The following METTL22 variants were observed in gnomAD, a reference collection of about 807,000 sequenced individuals.
METTL22 encodes the protein methyltransferase 22, Kin17 lysine.
METTL22 carries 51 observed loss-of-function variants against 48.4 expected under a neutral mutation model. The ratio of observed to expected loss-of-function variants is 1.05; its 90% CI spans 0.84 to 1.33. METTL22 has a LOEUF of 1.33. Ranked by LOEUF, METTL22 falls within the 40% of genes most tolerant of loss-of-function variation. The pLI, the probability that METTL22 is intolerant of heterozygous loss-of-function variation, is 0.00. For missense variants in METTL22, 678 were observed against 526.9 expected (o/e 1.29, Z -2.81); for synonymous variants, 255 against 214.1 (o/e 1.19, Z -1.67).
At chr16:8,651,386 C>CAAA (rs768911703), downstream of METTL22, among the ~76,000 whole-genome samples, 12 of 49,070 alleles carry the variant, frequency 2.4e-4, no homozygotes, top group African/African-American at 4.9e-4. Flanking sequence ...GACTCTGTCT[C>CAAA]AAAAAAAAAA....
chr16:8,635,648 G>C (rs560893324), intron 5 of METTL22, among the ~76,000 whole-genome samples: 1 of 152,340 alleles, frequency 6.6e-6, no homozygotes, highest in South Asian at 2.1e-4. Context: ...AGAAGCCTTT[G>C]AAAGCAAGTT....
the METTL22 span, chr16:8,666,645 G>A: frequency 6.6e-6 from 1 of 152,194 alleles, no homozygotes; most frequent in East Asian, 1.9e-4. Context: ...GCTCAGAAGT[G>A]AAGTCATCTA....
chr16:8,660,098 A>G, the METTL22 span, among the ~76,000 whole-genome samples: 33,485 of 104,016 alleles, frequency 0.32, 3,943 homozygotes, highest in Admixed American at 0.35. Flanking sequence ...ATCACCCCAA[A>G]GGGTACAGTG....
At chr16:8,638,315 G>T (rs1030734873) in intron 5 of METTL22, among the ~76,000 whole-genome samples, 3 of 152,076 alleles carry the variant, frequency 2.0e-5, no homozygotes, top group African/African-American at 7.2e-5. Context: ...TTGCACTGTG[G>T]GTCCACGCCC....
At chr16:8,623,833 A>G (rs914070800) in intron 1 of METTL22, 6 of 152,204 alleles carry the variant, frequency 3.9e-5, no homozygotes, top group African/African-American at 2.4e-5. Context: ...AGCCTGAGTC[A>G]TGATGACCTC....
chr16:8,651,637 C>A (rs1442629732), downstream of METTL22, among the ~76,000 whole-genome samples: 2 of 152,080 alleles, frequency 1.3e-5, no homozygotes, highest in African/African-American at 4.8e-5. Flanking sequence ...CTGTTTGCCA[C>A]CCTATCCTGA....
chr16:8,656,061 A>G, the METTL22 span, among the ~76,000 whole-genome samples: 114 of 152,296 alleles, frequency 7.5e-4, no homozygotes, highest in Non-Finnish European at 1.4e-3. Flanking sequence ...TACCAGTGGT[A>G]TGTGGCAGGT....
chr16:8,661,690 C>A, the METTL22 span, among the ~76,000 whole-genome samples: 3 of 141,960 alleles, frequency 2.1e-5, no homozygotes, highest in Non-Finnish European at 4.6e-5. Flanking sequence ...TTTATCTGCC[C>A]AACAACTTTG....
the METTL22 span, among the ~76,000 whole-genome samples, chr16:8,662,640 C>T: frequency 1.4e-5 from 2 of 144,048 alleles, no homozygotes; most frequent in African/African-American, 5.2e-5. Context: ...GAGCATGAAG[C>T]TGATGGTTTG....
chr16:8,631,187 A>T (rs1270401222), intron 3 of METTL22: 8 of 152,140 alleles, frequency 5.3e-5, no homozygotes. Flanking sequence ...TTATAGACCC[A>T]TTTGAGAAAC....
At chr16:8,627,392 A>T (rs1293940087) in intron 2 of METTL22, among the ~76,000 whole-genome samples, 2 of 152,044 alleles carry the variant, frequency 1.3e-5, no homozygotes, top group East Asian at 3.9e-4. Flanking sequence ...CAACCATAAG[A>T]TACAAGGCCA....
chr16:8,642,425 G>T (rs367836784), intron 8 of METTL22, 38 bp from the exon 9 acceptor site: 6 of 1,580,982 alleles, frequency 3.8e-6, no homozygotes, highest in Admixed American at 1.7e-5. Context: ...TAATATTTGC[G>T]TGTTTTCCTC....
intron 3 of METTL22, among the ~76,000 whole-genome samples, chr16:8,632,849 C>G (rs1641035): frequency 0.99 from 150,431 of 152,330 alleles, 74,312 homozygotes; most frequent in Middle Eastern, 1. Flanking sequence ...CATTCTCCCT[C>G]AAGGGAAGCT....
rs1351447272 is a variant in METTL22 at position 8,646,498 on chromosome 16, G to T, written c.*355G>T. 1.9e-6 allele frequency: 1 copy of T among 532,538 alleles called. No individual in the cohort carries two copies. Among genetic ancestry groups the T allele is most frequent in the Non-Finnish European group, 3.6e-6 (1 of 276,938 alleles). The allele number at this position is 532,538 out of a possible 1,614,324, so 33.0% of individuals were successfully genotyped here. On this transcript the variant is annotated 3_prime_UTR_variant, in exon 11 of 11. Coordinates refer to ENST00000381920, the MANE Select transcript of METTL22 (RefSeq NM_024109.4). ...GGCCCTGGCTGTGAGGTGGATTCTT[G>T]TACTGCCCTCTGTCAGCTGTTTACA...
At chr16:8,649,960 T>C (rs1730980), downstream of METTL22, among the ~76,000 whole-genome samples, 150,422 of 152,324 alleles carry the variant, frequency 0.99, 74,306 homozygotes, top group Middle Eastern at 1. Flanking sequence ...AGCTCCCGGG[T>C]GATGCTGATG....
chr16:8,652,081 C>A (rs1159481128), downstream of METTL22, among the ~76,000 whole-genome samples: 1 of 152,224 alleles, frequency 6.6e-6, no homozygotes, highest in Non-Finnish European at 1.5e-5. Flanking sequence ...CTCCACTCCA[C>A]TTCCACGGGC....
chr16:8,642,486 G>C lies in METTL22; in HGVS notation c.931G>C (p.Asp311His). The change falls in exon 9 of 11, where the codon GAT (aspartate) becomes CAT (histidine). Residue 311 changes from aspartate to histidine, a missense_variant. Physicochemically the swap from Asp to His is moderately conservative, Grantham distance 81. Coordinates refer to ENST00000381920, the MANE Select transcript of METTL22 (RefSeq NM_024109.4). The stretch of plus-strand genomic sequence containing the variant: ...AGTGTTTTACGACGACGACTTGACT[G>C]ATGCTGTGTTTAAAACGCTCTCCCG... ...AEVFYDDDLT[D>H]AVFKTLSRLA... 2 of 1,614,212 alleles carry C rather than the reference G, an allele frequency of 1.2e-6. No homozygotes were observed. Among genetic ancestry groups the C allele is most frequent in the East Asian group, 4.5e-5 (2 of 44,884 alleles).
Position 8,644,689 on chromosome 16 carries a change from C to T in METTL22, c.1143C>T (p.Phe381=), listed in dbSNP as rs768986841. The T allele has an allele frequency of 1.9e-6, 3 of 1,603,446 alleles. No individual in the cohort carries two copies. The South Asian group carries it at 3.4e-5, about 18-fold the overall frequency. Residue 381 remains phenylalanine (F), a synonymous_variant, in exon 10 of 11, where the codon TTC becomes TTT. Transcript: ENST00000381920. ...RFVVEPVEAS[F]PQLLVYERLQ... is the part of the protein sequence containing the mutation. ...TGGTGGAGCCCGTGGAGGCCTCCTT[C>T]CCACAGCTCCTGGTTTACGAGCGCC...
rs1332913099 is a variant in METTL22, at chr16:8,640,946, G to GGATGGATGGATGGA, written c.773-185_773-184insGATGGATGGATGGA. 2.7e-3 allele frequency among the ~76,000 whole-genome samples: 96 copies of GGATGGATGGATGGA among 35,272 alleles called. 8 individuals are homozygous for GGATGGATGGATGGA. The highest frequency in any genetic ancestry group is 0.014 in the Middle Eastern group (1 of 70). The allele number at this position is 35,272 out of a possible 152,430, so 23.1% of individuals were successfully genotyped here. On this transcript the variant is annotated intron_variant, in intron 6 of 10. Transcript: ENST00000381920. ...GATGGATGGATGGATGGATGGATGGGTGGGTGGATGGCTGGCTGGCTGGCT... is the reference window on the plus strand; with the variant it reads ...GATGGATGGATGGATGGATGGATGGGGATGGATGGATGGATGGGTGGATGGCTGGCTGGCTGGCT...
Sources: allele counts gnomAD v4.1 joint callset (sites outside exome capture counted in the v4.1 genomes callset), GRCh38; gene constraint gnomAD v4.1.1; transcripts MANE v1.5; gene names NCBI Gene and HGNC (gene_info 2026-07-23, HGNC 2026-07-21).